TFCP2: variants seen among roughly 807,000 people sequenced by gnomAD.
TFCP2 encodes the protein transcription factor CP2.
A neutral mutation model predicts 73.4 loss-of-function variants in TFCP2; 33 were observed. The ratio of observed to expected loss-of-function variants is 0.45; its 90% CI spans 0.34 to 0.60. The LOEUF is 0.60. Ranked by LOEUF, TFCP2 falls within the 20% of genes least tolerant of loss-of-function variation. The pLI, the probability that TFCP2 is intolerant of heterozygous loss-of-function variation, is 0.01. For missense variants in TFCP2, 352 were observed against 604.0 expected (o/e 0.58, Z 4.37); for synonymous variants, 193 against 211.6 (o/e 0.91, Z 0.76).
chr12:51,158,507 A>T (rs1941584072), intron 1 of TFCP2, among the ~76,000 whole-genome samples: 1 of 151,616 alleles, frequency 6.6e-6, no homozygotes, highest in Non-Finnish European at 1.5e-5. Context: ...TTTGTTTTTT[A>T]AGATAGAGTC....
intron 13 of TFCP2, among the ~76,000 whole-genome samples, chr12:51,098,472 A>T (rs1446644380): frequency 1.1e-5 from 1 of 90,456 alleles, no homozygotes; most frequent in Non-Finnish European, 2.6e-5. Context: ...CTAAAAATAC[A>T]AAAATTAGCC....
intron 1 of TFCP2, among the ~76,000 whole-genome samples, chr12:51,171,663 C>A (rs1357537306): frequency 6.6e-6 from 1 of 152,226 alleles, no homozygotes; most frequent in Admixed American, 6.5e-5. Flanking sequence ...CAGGCGTGAG[C>A]CACCGCACCC....
intron 1 of TFCP2, chr12:51,124,995 A>G (rs920901044): frequency 4.1e-6 from 3 of 734,756 alleles, no homozygotes; most frequent in Admixed American, 1.8e-5. Context: ...TCTCTGAGTG[A>G]TAACTTCTCC....
intron 8 of TFCP2, 121 bp from the exon 9 acceptor site, chr12:51,104,324 T>G (rs1940178805): frequency 2.6e-6 from 2 of 773,190 alleles, no homozygotes; most frequent in East Asian, 5.3e-5. Flanking sequence ...TGCTCTCTCA[T>G]AACACATTCT....
intron 11 of TFCP2, among the ~76,000 whole-genome samples, chr12:51,100,780 C>T (rs1940092023): frequency 6.6e-6 from 1 of 152,182 alleles, no homozygotes; most frequent in South Asian, 2.1e-4. Context: ...CATTGCTGCA[C>T]TCCAGGCTGG....
chr12:51,118,536 CG>C, intron 2 of TFCP2, 84 bp downstream of exon 2: 2 of 1,508,250 alleles, frequency 1.3e-6, no homozygotes, highest in Admixed American at 3.8e-5. Context: ...GCCTGGGTGA[CG>C]CCGTCTCAAA....
chr12:51,096,883 T>A (rs1023093589), intron 13 of TFCP2, among the ~76,000 whole-genome samples: 1 of 152,154 alleles, frequency 6.6e-6, no homozygotes, highest in African/African-American at 2.4e-5. Context: ...AAGGAAATAA[T>A]TATGTGCAAG....
rs1478395688 is a variant in TFCP2 at position 51,099,475 on chromosome 12, C to T, written c.1276+180G>A. 2.5e-4 allele frequency among the ~76,000 whole-genome samples: 11 copies of T among 44,454 alleles called. No individual in the cohort carries two copies. In the South Asian group the frequency reaches 2.9e-3, roughly 12 times the overall value. 29.2% of individuals were successfully genotyped at this position (44,454 alleles called of 152,430 possible). The stretch of plus-strand genomic sequence containing the variant: ...CCTGGGTAACTGAGTGAGACTCTGT[C>T]TCAAAAAAAAAAAAAAAGAATGGCA... On this transcript the variant is annotated intron_variant, in intron 12 of 14. Transcript: ENST00000257915.
intron 1 of TFCP2, among the ~76,000 whole-genome samples, chr12:51,119,529 T>C (rs1050173296): frequency 1.1e-4 from 17 of 152,062 alleles, no homozygotes; most frequent in African/African-American, 3.9e-4. Flanking sequence ...GGTGGGCGGA[T>C]CACCTGAGGT....
chr12:51,112,205 T>G (rs1043309498), intron 4 of TFCP2, among the ~76,000 whole-genome samples: 8 of 152,124 alleles, frequency 5.3e-5, no homozygotes, highest in Non-Finnish European at 5.9e-5. Flanking sequence ...ATTGTACATA[T>G]TCATGGGCTA....
chr12:51,123,662 A>G (rs1940735301), intron 1 of TFCP2, among the ~76,000 whole-genome samples: 1 of 152,174 alleles, frequency 6.6e-6, no homozygotes, highest in African/African-American at 2.4e-5. Flanking sequence ...CCAAGCCTCA[A>G]GTAATCCTCC....
At chr12:51,124,775 T>C (rs932751702) in intron 1 of TFCP2, 1 of 802,314 alleles carries the variant, frequency 1.2e-6, no homozygotes, top group Non-Finnish European at 2.2e-6. Flanking sequence ...GCTCAACCTT[T>C]TTCTGCTGCT....
At chr12:51,130,784 T>A (rs1940925801) in intron 1 of TFCP2, among the ~76,000 whole-genome samples, 1 of 151,412 alleles carries the variant, frequency 6.6e-6, no homozygotes, top group South Asian at 2.1e-4. Flanking sequence ...GTCAGGAGTT[T>A]AAGACCAGCC....
chr12:51,165,824 G>C (rs905776226), intron 1 of TFCP2, among the ~76,000 whole-genome samples: 17 of 152,258 alleles, frequency 1.1e-4, no homozygotes, highest in African/African-American at 4.1e-4. Context: ...AGGAATAGAA[G>C]GAAACTTATT....
At chr12:51,150,788 T>C (rs2137029272) in intron 1 of TFCP2, among the ~76,000 whole-genome samples, 1 of 152,316 alleles carries the variant, frequency 6.6e-6, no homozygotes, top group South Asian at 2.1e-4. Context: ...AGTACTTGCC[T>C]TTTTTAAGAA....
Position 51,109,188 on chromosome 12 carries a change from T to C in TFCP2, c.650A>G (p.Lys217Arg). The C allele has an allele frequency of 6.2e-7, 1 of 1,614,238 alleles. No homozygotes were observed. Among genetic ancestry groups the C allele is most frequent in the African/African-American group, 1.3e-5 (1 of 75,056 alleles). The change falls in exon 6 of 15, where the codon AAG becomes AGG. Residue 217 changes from lysine to arginine, a missense_variant. Around this residue, in one of 6 missense-constraint regions of TFCP2, gnomAD observed 47 missense variants for 89.1 expected, o/e 0.53. Coordinates refer to ENST00000257915, the MANE Select transcript of TFCP2 (RefSeq NM_005653.5). ...AGTATATTCCCCGTTTTCATTCTCC[T>C]TGAAGGTATCTATTTGTACTCGGAA... ...VPFRVQIDTF[K>R]ENENGEYTEH...
In TFCP2 at chr12:51,093,912, T is replaced by A. The variant is rs1211492994; in HGVS notation, c.*1329A>T. 1 of 150,522 alleles carries A rather than the reference T, an allele frequency of 6.6e-6. No individual in the cohort carries two copies. Among genetic ancestry groups the A allele is most frequent in the East Asian group, 1.9e-4 (1 of 5,172 alleles). The allele number at this position is 150,522 out of a possible 1,614,324, so 9.3% of individuals were successfully genotyped here. A position where few individuals can be genotyped will look rare whatever the true frequency, so the allele number is the denominator to read the frequency against. On this transcript the variant is annotated 3_prime_UTR_variant, in exon 15 of 15. Transcript: ENST00000257915. ...AACATTATCTTTGTGTACCTCAACA[T>A]AACCTGTAAAAGTATTTCTAGATAA...
rs200457542 is a variant in TFCP2 at position 51,150,829 on chromosome 12, C to T, written c.122+21472G>A. ...AGATAGTGAATTCATTCATTCAACA[C>T]ATCAGCGCAAACTACTTATTAGGCA... On this transcript the variant is annotated intron_variant, in intron 1 of 14. Transcript: ENST00000257915. Among the ~76,000 whole-genome samples the T allele has an allele frequency of 1.8e-4, 27 of 152,308 alleles. No individual in the cohort carries two copies. The East Asian group carries it at 4.8e-3, about 27-fold the overall frequency.
chr12:51,130,369 G>A (rs1291677136), intron 1 of TFCP2, among the ~76,000 whole-genome samples: 1 of 152,102 alleles, frequency 6.6e-6, no homozygotes, highest in East Asian at 1.9e-4. Context: ...CTACTCAGGA[G>A]GCTGAGGCAG....
Sources: allele counts gnomAD v4.1 joint callset (sites outside exome capture counted in the v4.1 genomes callset), GRCh38; gene constraint gnomAD v4.1.1; regional missense constraint gnomAD v4.1.1; transcripts MANE v1.5; gene names NCBI Gene and HGNC (gene_info 2026-07-23, HGNC 2026-07-21).